Variants in ZNF496 observed in about 807,000 individuals in gnomAD.
ZNF496 encodes the protein NSD1 (nuclear receptor binding SET-domain containing 1)-interacting zinc finger protein 1.
Under a neutral mutation model 58.9 loss-of-function variants are expected in ZNF496, and 11 were observed. The ratio of observed to expected loss-of-function variants is 0.19; its 90% CI spans 0.12 to 0.31. ZNF496 has a LOEUF of 0.31. Ranked by LOEUF, ZNF496 falls within the 10% of genes least tolerant of loss-of-function variation. The pLI is 1.00. For synonymous variants in ZNF496, 338 were observed against 318.2 expected, an observed-to-expected ratio of 1.06 and a Z score of -0.66; for missense variants, 660 against 783.0, an observed-to-expected ratio of 0.84 and a Z score of 1.88.
In ZNF496 at chr1:247,300,522, G is replaced by A. The variant is rs751679963; in HGVS notation, c.1761C>T (p.Tyr587=). The change falls in exon 10 of 10, where the codon TAC becomes TAT. Residue 587 remains tyrosine, a synonymous_variant. Coordinates refer to ENST00000682384, the MANE Select transcript of ZNF496 (RefSeq NM_032752.3). This position sits in a 1 kb window ranked among gnomAD's most constrained non-coding sequence, Gnocchi z 5.7. The stretch of plus-strand genomic sequence containing the variant: ...AGGCCGCCCCAGGCGGAGAGGCTCA[G>A]TAGGAGTTCAGAGCCTGCTTGGAAC... The part of the protein sequence containing the change: ...KRRSKQALNS[Y] 9.9e-5 allele frequency: 158 copies of A among 1,603,762 alleles called. No homozygotes were observed. Among genetic ancestry groups the A allele is most frequent in the Non-Finnish European group, 1.3e-4 (158 of 1,172,904 alleles).
In ZNF496 at chr1:247,309,835, T is replaced by G. The variant is rs766269427; in HGVS notation, c.785-29A>C. 1.5e-5 allele frequency: 24 copies of G among 1,611,026 alleles called. No individual in the cohort carries two copies. In the South Asian group the frequency reaches 2.6e-4, roughly 18 times the overall value. On this transcript the variant is annotated intron_variant, in intron 7 of 9. Transcript: ENST00000682384. This position sits in a 1 kb window ranked among gnomAD's most constrained non-coding sequence, Gnocchi z 4.3. ...TTCAAAGAAAAAGGCAGGGTACATGTTTATTAGTAATCTGATCCTGCAGCA... is the reference window on the plus strand; with the variant it reads ...TTCAAAGAAAAAGGCAGGGTACATGGTTATTAGTAATCTGATCCTGCAGCA...
In ZNF496 at chr1:247,309,825, A is replaced by G; in HGVS notation, c.785-19T>C. The G allele has an allele frequency of 1.2e-6, 2 of 1,613,442 alleles. No individual in the cohort carries two copies. Among genetic ancestry groups the G allele is most frequent in the Non-Finnish European group, 8.5e-7 (1 of 1,179,502 alleles). On this transcript the variant is annotated intron_variant, in intron 7 of 9. Transcript: ENST00000682384. This position sits in a 1 kb window ranked among gnomAD's most constrained non-coding sequence, Gnocchi z 4.3. ...AGGTCGTCTGTTCAAAGAAAAAGGC[A>G]GGGTACATGTTTATTAGTAATCTGA...
chr1:247,305,495 C>T (rs1659379696), intron 9 of ZNF496, among the ~76,000 whole-genome samples: 1 of 152,192 alleles, frequency 6.6e-6, no homozygotes, highest in Non-Finnish European at 1.5e-5. Flanking sequence ...CAGGCTGCTG[C>T]AAGTGCTTGT....
intron 6 of ZNF496, among the ~76,000 whole-genome samples, chr1:247,316,630 A>G (rs1659789920): frequency 6.6e-6 from 1 of 152,152 alleles, no homozygotes; most frequent in African/African-American, 2.4e-5. Context: ...CTCCATAAAT[A>G]TGAGAAGTCA....
At chr1:247,330,193 A>G (rs1660273893) in intron 2 of ZNF496, 112 bp from the exon 3 acceptor site, 1 of 152,262 alleles carries the variant, frequency 6.6e-6, no homozygotes, top group South Asian at 2.1e-4. Context: ...TGGACAACCC[A>G]GCCAGAATCA....
In ZNF496 at chr1:247,309,786, C is replaced by G. The variant is rs749871902; in HGVS notation, c.805G>C (p.Asp269His). ...TCATTCTCCTCTCCCTGGGAGAGAT[C>G]TGGCTGGGCAGCTAGGTCGTCTGTT... The part of the protein sequence containing the change: ...MPPNDLAAQP[D>H]LSQGEENEPR... The change falls in exon 8 of 10, where the codon GAT (aspartate) becomes CAT (histidine). Residue 269 changes from aspartate (D) to histidine (H), a missense_variant. Asp to His is a moderately conservative substitution (Grantham distance 81). Transcript: ENST00000682384. The surrounding 1 kb of genome is among the most constrained non-coding windows in gnomAD (Gnocchi z 4.3). The G allele has an allele frequency of 5.0e-6, 8 of 1,614,198 alleles. No homozygotes were observed. The highest frequency in any genetic ancestry group is 5.1e-6 in the Non-Finnish European group (6 of 1,180,036).
At position 247,308,807 on chromosome 1, in the gene ZNF496, G is replaced by C. The variant is rs886320514; in HGVS notation, c.893-219C>G. The C allele has an allele frequency of 1.8e-5, 9 of 512,752 alleles. No individual in the cohort carries two copies. The highest frequency in any genetic ancestry group is 1.7e-4 in the African/African-American group (9 of 51,642). 31.8% of individuals were successfully genotyped at this position (512,752 alleles called of 1,614,324 possible). ...CAAACATGAGCTCTGACGCTAGACA[G>C]AATCGACGTAGATCCGGGTTCTACT... On this transcript the variant is annotated intron_variant, in intron 8 of 9. Coordinates refer to ENST00000682384, the MANE Select transcript of ZNF496 (RefSeq NM_032752.3). This position sits in a 1 kb window ranked among gnomAD's most constrained non-coding sequence, Gnocchi z 4.5.
At chr1:247,307,570 AGGGGT>A in intron 9 of ZNF496, 1 of 985,402 alleles carries the variant, frequency 1.0e-6, no homozygotes, top group Non-Finnish European at 1.2e-6. Context: ...TTAGAAAACC[AGGGGT>A]GGGCATCCAT....
At chr1:247,324,252 G>A (rs1660051849) in intron 5 of ZNF496, among the ~76,000 whole-genome samples, 1 of 152,170 alleles carries the variant, frequency 6.6e-6, no homozygotes, top group Admixed American at 6.5e-5. Context: ...CTTAAATGTG[G>A]ACTCTAAAAA....
chr1:247,323,120 G>A (rs775458051), intron 6 of ZNF496, 34 bp downstream of exon 6: 7 of 1,584,550 alleles, frequency 4.4e-6, no homozygotes, highest in Middle Eastern at 3.6e-4. Flanking sequence ...AGGCAAACAG[G>A]GGATTTTCAA....
chr1:247,320,652 T>C (rs958705501), intron 6 of ZNF496, among the ~76,000 whole-genome samples: 1 of 152,214 alleles, frequency 6.6e-6, no homozygotes, highest in African/African-American at 2.4e-5. Context: ...GTTTAAAAAG[T>C]TCACAGGATC....
In ZNF496 at chr1:247,308,815, G is replaced by A. The variant is rs927621246; in HGVS notation, c.893-227C>T. On this transcript the variant is annotated intron_variant, in intron 8 of 9. Coordinates refer to ENST00000682384, the MANE Select transcript of ZNF496 (RefSeq NM_032752.3). The surrounding 1 kb of genome is among the most constrained non-coding windows in gnomAD (Gnocchi z 4.5). ...AGCTCTGACGCTAGACAGAATCGAC[G>A]TAGATCCGGGTTCTACTCCACCCAC... 6.2e-5 allele frequency: 30 copies of A among 486,926 alleles called. No individual in the cohort carries two copies. Among genetic ancestry groups the A allele is most frequent in the Non-Finnish European group, 9.8e-5 (26 of 265,796 alleles). The allele number at this position is 486,926 out of a possible 1,614,324, so 30.2% of individuals were successfully genotyped here. A position where few individuals can be genotyped will look rare whatever the true frequency, so the allele number is the denominator to read the frequency against.
intron 9 of ZNF496, among the ~76,000 whole-genome samples, chr1:247,305,030 A>G (rs1436052363): frequency 6.6e-6 from 1 of 152,172 alleles, no homozygotes; most frequent in Non-Finnish European, 1.5e-5. Context: ...CAGGGGATGA[A>G]TTGTGTTGTC....
At position 247,329,516 on chromosome 1, in the gene ZNF496, C is replaced by G. The variant is rs1293086998; in HGVS notation, c.63G>C (p.Met21Ile). The change falls in exon 4 of 10, where the codon ATG (methionine) becomes ATC (isoleucine). Residue 21 changes from methionine to isoleucine, a missense_variant. Physicochemically the swap from Met to Ile is conservative, Grantham distance 10 (BLOSUM62 1). Coordinates refer to ENST00000682384, the MANE Select transcript of ZNF496 (RefSeq NM_032752.3). The surrounding 1 kb of genome is among the most constrained non-coding windows in gnomAD (Gnocchi z 5.5). Reference sequence around the variant, plus strand: ...TAGGGTTCTCTCCAGGTGGGCTCCTCATTTTCCTGGGCTCCTCACTTTCCT... The same window carrying G: ...TAGGGTTCTCTCCAGGTGGGCTCCTGATTTTCCTGGGCTCCTCACTTTCCT... The part of the protein sequence containing the change: ...APKESEEPRK[M>I]RSPPGENPSP... 4 of 1,584,290 alleles carry G rather than the reference C, an allele frequency of 2.5e-6. No homozygotes were observed. In the Admixed American group the frequency reaches 7.8e-5, roughly 31 times the overall value.
intron 6 of ZNF496, among the ~76,000 whole-genome samples, chr1:247,315,321 AGT>A: frequency 6.6e-6 from 1 of 152,184 alleles, no homozygotes; most frequent in East Asian, 1.9e-4. Flanking sequence ...GCGTGGCCTG[AGT>A]GCCACTGTGA....
At position 247,310,000 on chromosome 1, in the gene ZNF496, G is replaced by C; in HGVS notation, c.785-194C>G. The C allele has an allele frequency of 1.4e-6, 2 of 1,391,880 alleles. No individual in the cohort carries two copies. The highest frequency in any genetic ancestry group is 1.9e-6 in the Non-Finnish European group (2 of 1,060,590). 86.2% of individuals were successfully genotyped at this position (1,391,880 alleles called of 1,614,324 possible). On this transcript the variant is annotated intron_variant, in intron 7 of 9. Transcript: ENST00000682384. The surrounding 1 kb of genome is among the most constrained non-coding windows in gnomAD (Gnocchi z 4.3). Reference sequence around the variant, plus strand: ...ACGCAGGGAGAGCTATGGGCTTGGGGGTCTCTCTGAGGCTTTCGGGTGTAA... The same window carrying C: ...ACGCAGGGAGAGCTATGGGCTTGGGCGTCTCTCTGAGGCTTTCGGGTGTAA...
At chr1:247,318,369 T>C (rs1659851879) in intron 6 of ZNF496, among the ~76,000 whole-genome samples, 1 of 152,070 alleles carries the variant, frequency 6.6e-6, no homozygotes, top group Non-Finnish European at 1.5e-5. Flanking sequence ...GACATAAACC[T>C]AGAAATGTAA....
At chr1:247,325,358 T>C (rs1329453571) in intron 5 of ZNF496, among the ~76,000 whole-genome samples, 2 of 152,240 alleles carry the variant, frequency 1.3e-5, no homozygotes, top group Admixed American at 6.5e-5. Flanking sequence ...TTCATCTTTA[T>C]TTAACTTACT....
At position 247,309,763 on chromosome 1, in the gene ZNF496, A is replaced by G. The variant is rs990093389; in HGVS notation, c.828T>C (p.Asn276=). The part of the protein sequence containing the change: ...AQPDLSQGEE[N]EPRVPELQDL... ...CCTGCAACTCTGGAACGCGTGGCTC[A>G]TTCTCCTCTCCCTGGGAGAGATCTG... Residue 276 remains asparagine (N), a synonymous_variant, in exon 8 of 10, where the codon AAT becomes AAC. Coordinates refer to ENST00000682384, the MANE Select transcript of ZNF496 (RefSeq NM_032752.3). This position sits in a 1 kb window ranked among gnomAD's most constrained non-coding sequence, Gnocchi z 4.3. The G allele has an allele frequency of 3.1e-6, 5 of 1,613,992 alleles. No homozygotes were observed. In the African/African-American group the frequency reaches 6.7e-5, roughly 22 times the overall value.
Sources: allele counts gnomAD v4.1 joint callset (sites outside exome capture counted in the v4.1 genomes callset), GRCh38; gene constraint gnomAD v4.1.1; non-coding constraint Gnocchi (gnomAD v3.1); transcripts MANE v1.5; gene names NCBI Gene and HGNC (gene_info 2026-07-23, HGNC 2026-07-21).